The following LTAP1 variants were observed in gnomAD, a reference collection of about 807,000 sequenced individuals.
LTAP1 encodes lipid transport auxiliary protein 1.
chr1:154,219,877 G>C, the LTAP1 span: 5 of 1,613,934 alleles, frequency 3.1e-6, no homozygotes, highest in Middle Eastern at 1.7e-4. Context: ...GGTCCCCTTC[G>C]AGATTTCATT....
chr1:154,219,982 G>C, the LTAP1 span: 2 of 1,397,128 alleles, frequency 1.4e-6, no homozygotes, highest in Non-Finnish European at 1.9e-6. Flanking sequence ...AGTCAGTTTT[G>C]TTTTGTTTTT....
the LTAP1 span, among the ~76,000 whole-genome samples, chr1:154,216,745 A>C: frequency 1.3e-4 from 20 of 151,744 alleles, no homozygotes; most frequent in Middle Eastern, 3.4e-3. Context: ...CAAACTCCTG[A>C]CCTTGTGATC....
the LTAP1 span, among the ~76,000 whole-genome samples, chr1:154,209,423 GTTTTT>G: frequency 2.0e-5 from 2 of 101,852 alleles, no homozygotes; most frequent in African/African-American, 3.6e-5. Context: ...GCTCTAAGCA[GTTTTT>G]TTTTTTTTTT....
chr1:154,211,095 C>T, the LTAP1 span, among the ~76,000 whole-genome samples: 1 of 151,902 alleles, frequency 6.6e-6, no homozygotes, highest in African/African-American at 2.4e-5. Context: ...CAACCTCCAC[C>T]TCCCGGGTTC....
the LTAP1 span, among the ~76,000 whole-genome samples, chr1:154,215,246 G>A: frequency 6.6e-6 from 1 of 151,922 alleles, no homozygotes; most frequent in Non-Finnish European, 1.5e-5. Context: ...AAATAGCCAA[G>A]TCAAATTCAT....
the LTAP1 span, chr1:154,212,723 G>T: frequency 1.4e-6 from 2 of 1,380,446 alleles, no homozygotes; most frequent in Non-Finnish European, 2.0e-6. Context: ...TGCAGTGGCA[G>T]TGATCTTGGC....
the LTAP1 span, chr1:154,220,287 G>A: frequency 1.3e-6 from 2 of 1,596,504 alleles, no homozygotes; most frequent in Non-Finnish European, 1.7e-6. Flanking sequence ...CTCAAAAGGA[G>A]GGTCTCTACT....
At chr1:154,216,250 T>C in the LTAP1 span, among the ~76,000 whole-genome samples, 1 of 152,104 alleles carries the variant, frequency 6.6e-6, no homozygotes, top group Non-Finnish European at 1.5e-5. Context: ...CGTGTCACCC[T>C]AAAAAAGATG....
chr1:154,212,349 A>G, the LTAP1 span: 1 of 1,614,156 alleles, frequency 6.2e-7, no homozygotes, highest in Non-Finnish European at 8.5e-7. Flanking sequence ...GGGCCTCCTG[A>G]TAGCGTAGGT....
chr1:154,212,862 A>C, the LTAP1 span: 14 of 471,558 alleles, frequency 3.0e-5, no homozygotes, highest in South Asian at 2.5e-4. Context: ...AAAATACAAA[A>C]GGGTTTCACC....
chr1:154,214,584 T>C, the LTAP1 span: 1 of 1,562,662 alleles, frequency 6.4e-7, no homozygotes, highest in Non-Finnish European at 8.8e-7. Flanking sequence ...CCTGTTCACA[T>C]AAAAAAAGAA....
the LTAP1 span, chr1:154,219,953 T>TA: frequency 0.038 from 58,532 of 1,560,834 alleles, 1,276 homozygotes; most frequent in Non-Finnish European, 0.043. Flanking sequence ...CAAAAAGATG[T>TA]AAAAATCCTT....
At chr1:154,220,072 G>A in the LTAP1 span, 3 of 849,186 alleles carry the variant, frequency 3.5e-6, no homozygotes, top group Non-Finnish European at 1.8e-6. Flanking sequence ...TTGGGGCAAA[G>A]CAAGGCCGTT....
At chr1:154,213,772 A>T in the LTAP1 span, 8 of 708,872 alleles carry the variant, frequency 1.1e-5, no homozygotes, top group African/African-American at 1.3e-4. Flanking sequence ...AAACTCTAGA[A>T]TTTCCTACTA....
the LTAP1 span, among the ~76,000 whole-genome samples, chr1:154,217,184 G>C: frequency 1.4e-5 from 2 of 145,926 alleles, no homozygotes; most frequent in Non-Finnish European, 3.0e-5. Flanking sequence ...CCTGACCTCA[G>C]GTGATCCACC....
the LTAP1 span, chr1:154,213,955 G>A: frequency 6.2e-7 from 1 of 1,611,648 alleles, no homozygotes; most frequent in Non-Finnish European, 8.5e-7. Context: ...ACCTGTTGAG[G>A]AAAAGACTGG....
At chr1:154,210,960 G>A in the LTAP1 span, among the ~76,000 whole-genome samples, 5 of 151,838 alleles carry the variant, frequency 3.3e-5, no homozygotes, top group African/African-American at 1.2e-4. Context: ...TTTCAGACAT[G>A]GTTACTAATA....
At chr1:154,206,746 TAAATAATTTATA>T in the LTAP1 span, 1 of 160,904 alleles carries the variant, frequency 6.2e-6, no homozygotes, top group Non-Finnish European at 1.3e-5. Context: ...TTCATTTTAT[TAAATAATTTATA>T]AAGTCAGACC....
the LTAP1 span, among the ~76,000 whole-genome samples, chr1:154,209,812 G>C: frequency 2.6e-5 from 4 of 151,194 alleles, no homozygotes; most frequent in African/African-American, 9.7e-5. Flanking sequence ...GGATGTTCCC[G>C]CTCTCCTGAT....
Sources: gnomAD v4.1 joint callset for allele counts (sites outside exome capture counted in the v4.1 genomes callset) on GRCh38, gnomAD v4.1.1 for gene constraint, MANE v1.5 for transcripts, NCBI Gene and HGNC (gene_info 2026-07-23, HGNC 2026-07-21) for gene names.